The following TMEM106B variants were observed in gnomAD, a reference collection of about 807,000 sequenced individuals.
The protein encoded by TMEM106B is transmembrane protein 106B.
A neutral mutation model predicts 31.1 loss-of-function variants in TMEM106B; 15 were observed. The observed-to-expected ratio is 0.48, with a 90% CI of 0.32 to 0.74. TMEM106B has a LOEUF of 0.74. TMEM106B is among the 30% of genes least tolerant of loss of function. TMEM106B has a pLI of 0.03. For synonymous variants in TMEM106B, 126 were observed against 112.5 expected (o/e 1.12, Z -0.76); for missense variants, 283 against 327.3 (o/e 0.86, Z 1.04).
intron 2 of TMEM106B, chr7:12,215,668 T>C (rs1781673188): frequency 2.7e-6 from 1 of 367,774 alleles, no homozygotes; most frequent in Non-Finnish European, 5.9e-6. Context: ...TCATCCAGCC[T>C]TGGCCTCCCA....
At chr7:12,214,483 C>T (rs369745081) in intron 1 of TMEM106B, 3 of 226,936 alleles carry the variant, frequency 1.3e-5, no homozygotes, top group African/African-American at 6.9e-5. Flanking sequence ...CAGCCTTCCA[C>T]CCCTGCTTCA....
intron 2 of TMEM106B, among the ~76,000 whole-genome samples, chr7:12,216,867 A>T (rs558040969): frequency 6.6e-6 from 1 of 152,260 alleles, no homozygotes; most frequent in South Asian, 2.1e-4. Flanking sequence ...GAAGAGTTTA[A>T]AAGAGCGGTT....
chr7:12,215,276 C>G (rs1316676911), intron 2 of TMEM106B, among the ~76,000 whole-genome samples: 1 of 152,170 alleles, frequency 6.6e-6, no homozygotes, highest in Non-Finnish European at 1.5e-5. Flanking sequence ...GCTATTATAG[C>G]AGATATTCAC....
At chr7:12,229,643 G>T (rs1398297610) in intron 4 of TMEM106B, 36 bp from the exon 5 acceptor site, 7 of 1,425,840 alleles carry the variant, frequency 4.9e-6, no homozygotes, top group South Asian at 1.5e-5. Flanking sequence ...TATATTTTTA[G>T]CTAACTTGTA....
intron 1 of TMEM106B, among the ~76,000 whole-genome samples, chr7:12,213,485 T>C (rs1781621509): frequency 6.6e-6 from 1 of 152,240 alleles, no homozygotes; most frequent in Non-Finnish European, 1.5e-5. Flanking sequence ...CTAGTTATCG[T>C]CTACCCAAAG....
intron 4 of TMEM106B, 46 bp downstream of exon 4, chr7:12,224,431 C>A: frequency 6.6e-7 from 1 of 1,512,636 alleles, no homozygotes. Context: ...ATTCTTTTAT[C>A]CTATTAAGCA....
In TMEM106B at chr7:12,243,217, T is replaced by C. The variant is rs1157135265; in HGVS notation, c.*11242T>C. 1.8e-4 allele frequency: 27 copies of C among 152,130 alleles called. No homozygotes were observed. The highest frequency in any genetic ancestry group is 1.8e-3 in the Admixed American group (27 of 15,262). 9.4% of individuals were successfully genotyped at this position (152,130 alleles called of 1,614,324 possible). A position where few individuals can be genotyped will look rare whatever the true frequency, so the allele number is the denominator to read the frequency against. Reference sequence around the variant, plus strand: ...AAAAAGTCAGTTCAGGCTTAATATATATGACTACTATAAGTCAACCTCACA... The same window carrying C: ...AAAAAGTCAGTTCAGGCTTAATATACATGACTACTATAAGTCAACCTCACA... On this transcript the variant is annotated 3_prime_UTR_variant, in exon 8 of 8. Coordinates refer to ENST00000396668, the MANE Select transcript of TMEM106B (RefSeq NM_001134232.2).
chr7:12,224,750 C>T (rs1415844649), intron 4 of TMEM106B, among the ~76,000 whole-genome samples: 1 of 152,126 alleles, frequency 6.6e-6, no homozygotes. Flanking sequence ...ATTTTGATTT[C>T]ATTGTATTTG....
chr7:12,213,414 G>A (rs759062968), intron 1 of TMEM106B, among the ~76,000 whole-genome samples: 10 of 152,166 alleles, frequency 6.6e-5, no homozygotes, highest in Admixed American at 2.0e-4. Context: ...ACAAAGGTGC[G>A]TGAATTTTCA....
At chr7:12,215,221 A>G (rs894572407) in intron 2 of TMEM106B, among the ~76,000 whole-genome samples, 194 bp downstream of exon 2, 3 of 152,216 alleles carry the variant, frequency 2.0e-5, no homozygotes, top group South Asian at 4.1e-4. Context: ...CTAAAGCAGT[A>G]AAGAAAACCA....
chr7:12,220,195 G>C (rs945853304), intron 3 of TMEM106B, among the ~76,000 whole-genome samples: 4 of 152,072 alleles, frequency 2.6e-5, no homozygotes, highest in African/African-American at 7.2e-5. Flanking sequence ...AAAATGTATA[G>C]ACAGATATGA....
chr7:12,214,153 C>T (rs1487496991), intron 1 of TMEM106B: 1 of 152,194 alleles, frequency 6.6e-6, no homozygotes, highest in Non-Finnish European at 1.5e-5. Flanking sequence ...AAAGCTGTCT[C>T]TCGTGGGGAA....
chr7:12,230,517 T>A, intron 6 of TMEM106B, 79 bp downstream of exon 6: 1 of 1,007,502 alleles, frequency 9.9e-7, no homozygotes, highest in East Asian at 2.7e-5. Flanking sequence ...ATACATATTT[T>A]TTAATTTCCG....
At chr7:12,212,625 C>T (rs1220800146) in intron 1 of TMEM106B, among the ~76,000 whole-genome samples, 1 of 151,346 alleles carries the variant, frequency 6.6e-6, no homozygotes, top group East Asian at 1.9e-4. Flanking sequence ...ATTTTTTTAT[C>T]TTTGTATTTA....
intron 3 of TMEM106B, among the ~76,000 whole-genome samples, chr7:12,220,008 A>G (rs1194632050): frequency 1.3e-5 from 2 of 152,280 alleles, no homozygotes; most frequent in East Asian, 1.9e-4. Context: ...TAAGAAAACA[A>G]CAAAACTCCT....
intron 4 of TMEM106B, among the ~76,000 whole-genome samples, chr7:12,224,696 C>G (rs1353816118): frequency 6.6e-6 from 1 of 152,124 alleles, no homozygotes; most frequent in African/African-American, 2.4e-5. Flanking sequence ...TAACTTCTAG[C>G]AAAGTGTTGA....
rs182657612 is a variant in TMEM106B, at chr7:12,237,406, A to G, written c.*5431A>G. The G allele has an allele frequency of 5.3e-4, 80 of 151,864 alleles. 2 individuals are homozygous for G. Among genetic ancestry groups the G allele is most frequent in the Admixed American group, 4.0e-3 (61 of 15,222 alleles). The allele number at this position is 151,864 out of a possible 1,614,324, so 9.4% of individuals were successfully genotyped here. On this transcript the variant is annotated 3_prime_UTR_variant, in exon 8 of 8. Transcript: ENST00000396668. ...TATCTTTGATTTCTTTTTTTCATTC[A>G]CTTAACTTCCAATCAGTACTCAAGC...
In TMEM106B at chr7:12,233,948, C is replaced by CTACACATTTACTAAAATGTGTAAATTT. The variant is rs1490611912; in HGVS notation, c.*1984_*2010dup. The CTACACATTTACTAAAATGTGTAAATTT allele has an allele frequency of 4.0e-5, 6 of 151,624 alleles. No homozygotes were observed. Among genetic ancestry groups the CTACACATTTACTAAAATGTGTAAATTT allele is most frequent in the Admixed American group, 6.6e-5 (1 of 15,210 alleles). The allele number at this position is 151,624 out of a possible 1,614,324, so 9.4% of individuals were successfully genotyped here. On this transcript the variant is annotated 3_prime_UTR_variant, in exon 8 of 8. Transcript: ENST00000396668. ...TCTGCTTTCACATTTAGCTAGTGAA[C>CTACACATTTACTAAAATGTGTAAATTT]TACACATTTACTAAAATGTGTAAAT... is the stretch of plus-strand genomic sequence containing the variant.
At chr7:12,214,620 T>A (rs1699981745) in intron 1 of TMEM106B, among the ~76,000 whole-genome samples, 189 bp from the exon 2 acceptor site, 1 of 152,234 alleles carries the variant, frequency 6.6e-6, no homozygotes, top group South Asian at 2.1e-4. Context: ...GGACATTTTC[T>A]CAGGACCTGT....
Sources: allele counts gnomAD v4.1 joint callset (sites outside exome capture counted in the v4.1 genomes callset), GRCh38; gene constraint gnomAD v4.1.1; transcripts MANE v1.5; gene names NCBI Gene and HGNC (gene_info 2026-07-23, HGNC 2026-07-21).